The following PCDHGB1 variants were observed in gnomAD, a reference collection of about 807,000 sequenced individuals.
PCDHGB1 encodes protocadherin gamma-B1.
In PCDHGB1, 34 loss-of-function variants were observed where a neutral mutation model predicts 56.6. That is an observed-to-expected ratio of 0.60 (90% CI 0.46 to 0.80). The LOEUF is 0.80. Ranked by LOEUF, PCDHGB1 falls within the 30% of genes least tolerant of loss-of-function variation. The pLI is 0.00. For missense variants in PCDHGB1, 1,278 were observed against 1,204.6 expected, an observed-to-expected ratio of 1.06 and a Z score of -0.90; for synonymous variants, 561 against 505.9, an observed-to-expected ratio of 1.11 and a Z score of -1.46.
chr5:141,491,571 C>G lies in PCDHGB1; in HGVS notation c.2410-3236C>G. The G allele has an allele frequency of 6.2e-7, 1 of 1,614,026 alleles. No individual in the cohort carries two copies. The highest frequency in any genetic ancestry group is 8.5e-7 in the Non-Finnish European group (1 of 1,180,042). ...CGCAGAGCCACTGCTACAGGACGTG[C>G]TTTTCACCGGCCTCGGACGGCAGTG... On this transcript the variant is annotated intron_variant, in intron 1 of 3. Transcript: ENST00000523390. This position sits in a 1 kb window ranked among gnomAD's most constrained non-coding sequence, Gnocchi z 6.9.
At chr5:141,415,176 C>A in intron 1 of PCDHGB1, 2 of 1,613,934 alleles carry the variant, frequency 1.2e-6, no homozygotes, top group Non-Finnish European at 1.7e-6. Context: ...TCACCGTGGC[C>A]GTGGCCGACA....
At chr5:141,483,187 GTTT>G (rs899657161) in intron 1 of PCDHGB1, among the ~76,000 whole-genome samples, 2 of 152,172 alleles carry the variant, frequency 1.3e-5, no homozygotes, top group African/African-American at 4.8e-5. Flanking sequence ...AAGCCAAGGA[GTTT>G]TTATTTTATT....
intron 1 of PCDHGB1, among the ~76,000 whole-genome samples, chr5:141,446,247 A>T (rs969960822): frequency 6.6e-6 from 1 of 152,160 alleles, no homozygotes; most frequent in African/African-American, 2.4e-5. Context: ...GTAGATCTTC[A>T]GTGAAATATT....
rs753258464 is a variant in PCDHGB1, at chr5:141,388,966, G to T, written c.2409+36297G>T. ...CTAATTATGGAGGACGCCGAGCTGG[G>T]AACACATATTGCTTTGCTCAAAGTC... On this transcript the variant is annotated intron_variant, in intron 1 of 3. Coordinates refer to ENST00000523390, the MANE Select transcript of PCDHGB1 (RefSeq NM_018922.3). 15 of 1,613,896 alleles carry T rather than the reference G, an allele frequency of 9.3e-6. No homozygotes were observed. In the Admixed American group the frequency reaches 2.3e-4, roughly 25 times the overall value.
intron 1 of PCDHGB1, chr5:141,400,298 A>G (rs2093998591): frequency 6.2e-7 from 1 of 1,613,974 alleles, no homozygotes; most frequent in Non-Finnish European, 8.5e-7. Context: ...AGCTGCTTCC[A>G]ACCTGGTCTC....
chr5:141,379,082 T>C (rs982884901), intron 1 of PCDHGB1: 9 of 152,216 alleles, frequency 5.9e-5, no homozygotes, highest in Non-Finnish European at 1.2e-4. Flanking sequence ...CTGAATTTGT[T>C]ATGAATGTGT....
chr5:141,421,353 G>T, intron 1 of PCDHGB1: 1 of 1,613,998 alleles, frequency 6.2e-7, no homozygotes, highest in Non-Finnish European at 8.5e-7. Context: ...AGACCGAAAA[G>T]GGCTCCTTCG....
chr5:141,356,169 T>C (rs1760137963), intron 1 of PCDHGB1: 1 of 1,613,022 alleles, frequency 6.2e-7, no homozygotes, highest in Non-Finnish European at 8.5e-7. Context: ...AAGCCCATGA[T>C]GGGCCTGGTC....
At chr5:141,418,343 A>G in intron 1 of PCDHGB1, 1 of 1,614,010 alleles carries the variant, frequency 6.2e-7, no homozygotes, top group Non-Finnish European at 8.5e-7. Flanking sequence ...AGATCCTGAT[A>G]TTAGTATGAA....
rs369791160 is a variant in PCDHGB1 at position 141,431,269 on chromosome 5, C to G, written c.2410-63538C>G. On this transcript the variant is annotated intron_variant, in intron 1 of 3. Transcript: ENST00000523390. This position sits in a 1 kb window ranked among gnomAD's most constrained non-coding sequence, Gnocchi z 4.8. ...TCGGGAAGAACTCTCTGCAGAGCTA[C>G]GAGCTCAGCCCGAACACTCACTTCT... 1.4e-5 allele frequency: 22 copies of G among 1,614,034 alleles called. No individual in the cohort carries two copies. The highest frequency in any genetic ancestry group is 2.7e-5 in the African/African-American group (2 of 74,954).
chr5:141,360,642 A>T (rs1268181436), intron 1 of PCDHGB1: 2 of 1,613,916 alleles, frequency 1.2e-6, no homozygotes, highest in Admixed American at 3.3e-5. Context: ...CACTACAAAG[A>T]TACCACCTTA....
chr5:141,423,680 C>T (rs2096766182), intron 1 of PCDHGB1: 1 of 1,479,088 alleles, frequency 6.8e-7, no homozygotes, highest in African/African-American at 1.5e-5. Context: ...ATTTCTCTGC[C>T]TCCTAATTGT....
rs1388608588 is a variant in PCDHGB1 at position 141,481,102 on chromosome 5, A to T, written c.2410-13705A>T. The stretch of plus-strand genomic sequence containing the variant: ...GAAAAAAGAAAAGCAGTACTCTGGA[A>T]CCTACCAATCCATCATTTAGCATAT... On this transcript the variant is annotated intron_variant, in intron 1 of 3. Transcript: ENST00000523390. 3.3e-5 allele frequency among the ~76,000 whole-genome samples: 5 copies of T among 152,288 alleles called. No individual in the cohort carries two copies. The East Asian group carries it at 7.7e-4, about 24-fold the overall frequency.
chr5:141,505,694 G>A, intron 3 of PCDHGB1, among the ~76,000 whole-genome samples: 1 of 152,208 alleles, frequency 6.6e-6, no homozygotes, highest in East Asian at 1.9e-4. Flanking sequence ...GCCTGGAGGA[G>A]AGCGAACAAG....
chr5:141,446,256 T>C lies in PCDHGB1; in HGVS notation c.2410-48551T>C, dbSNP rs535879308. On this transcript the variant is annotated intron_variant, in intron 1 of 3. Transcript: ENST00000523390. Reference sequence around the variant, plus strand: ...CAAGTGGTAGATCTTCAGTGAAATATTATTAACTGAATAAATACAATGGAT... The same window carrying C: ...CAAGTGGTAGATCTTCAGTGAAATACTATTAACTGAATAAATACAATGGAT... Among the ~76,000 whole-genome samples the C allele has an allele frequency of 2.0e-5, 3 of 152,310 alleles. No homozygotes were observed. The East Asian group carries it at 5.8e-4, about 29-fold the overall frequency.
At chr5:141,362,024 G>T (rs987930042) in intron 1 of PCDHGB1, 2 of 1,608,122 alleles carry the variant, frequency 1.2e-6, no homozygotes, top group African/African-American at 1.3e-5. Flanking sequence ...CGCACAGCGC[G>T]TGCCTTGGGC....
chr5:141,405,398 CT>C, intron 1 of PCDHGB1: 1 of 1,590,264 alleles, frequency 6.3e-7, no homozygotes, highest in Non-Finnish European at 8.6e-7. Context: ...TTTTTTCTTT[CT>C]TTCTTTTCTT....
At chr5:141,430,986 C>G (rs549700048) in intron 1 of PCDHGB1, 1 of 1,613,762 alleles carries the variant, frequency 6.2e-7, no homozygotes, top group African/African-American at 1.3e-5. Context: ...CAGCTTTTCG[C>G]CCTGAATCCG....
intron 1 of PCDHGB1, chr5:141,403,667 GC>G: frequency 6.2e-7 from 1 of 1,613,910 alleles, no homozygotes; most frequent in Non-Finnish European, 8.5e-7. Context: ...AAATGATAAT[GC>G]CCCGGTTTTT....
Sources: gnomAD v4.1 joint callset for allele counts (sites outside exome capture counted in the v4.1 genomes callset) on GRCh38, gnomAD v4.1.1 for gene constraint, Gnocchi (gnomAD v3.1) non-coding constraint, MANE v1.5 for transcripts, NCBI Gene and HGNC (gene_info 2026-07-23, HGNC 2026-07-21) for gene names.